KCNH1: variants seen among roughly 807,000 people sequenced by gnomAD.
The protein encoded by KCNH1 is potassium voltage-gated channel subfamily H member 1.
KCNH1 carries 27 observed loss-of-function variants against 69.2 expected under a neutral mutation model. That is an observed-to-expected ratio of 0.39 (90% CI 0.29 to 0.54). KCNH1 has a LOEUF of 0.54. KCNH1 is among the 20% of genes least tolerant of loss of function. The pLI is 0.68. For missense variants in KCNH1, 798 were observed against 1,261.6 expected (o/e 0.63, Z 5.57); for synonymous variants, 456 against 487.7 (o/e 0.93, Z 0.86).
chr1:210,813,512 T>A (rs934872255), intron 7 of KCNH1, among the ~76,000 whole-genome samples: 64 of 152,220 alleles, frequency 4.2e-4, no homozygotes, highest in Admixed American at 4.6e-4. Context: ...TTAGTCCTTA[T>A]TCAATTTCAT....
chr1:210,691,609 C>T (rs755497530), intron 10 of KCNH1, among the ~76,000 whole-genome samples: 23 of 152,142 alleles, frequency 1.5e-4, no homozygotes, highest in Non-Finnish European at 2.6e-4. Context: ...ATGTTGATGA[C>T]CTCCACTAGT....
intron 7 of KCNH1, among the ~76,000 whole-genome samples, chr1:210,918,092 C>T (rs1687384790): frequency 6.6e-6 from 1 of 152,116 alleles, no homozygotes; most frequent in Non-Finnish European, 1.5e-5. Flanking sequence ...GCAGAGAGGG[C>T]TTTTATGAAA....
At chr1:211,085,597 C>A (rs1690938061) in intron 4 of KCNH1, among the ~76,000 whole-genome samples, 1 of 151,982 alleles carries the variant, frequency 6.6e-6, no homozygotes, top group South Asian at 2.1e-4. Context: ...GACTTGAGGG[C>A]AGCTACAGAG....
At chr1:210,959,651 G>A (rs1688255933) in intron 6 of KCNH1, among the ~76,000 whole-genome samples, 1 of 152,180 alleles carries the variant, frequency 6.6e-6, no homozygotes, top group African/African-American at 2.4e-5. Flanking sequence ...AGCCTCACAG[G>A]TCAATCTCAG....
intron 7 of KCNH1, among the ~76,000 whole-genome samples, chr1:210,917,235 GAAAGAAAGAAAGAA>G: frequency 5.6e-5 from 7 of 124,282 alleles, no homozygotes; most frequent in African/African-American, 2.2e-4. Flanking sequence ...GAGAGAGAAA[GAAAGAAAGAAAGAA>G]AGAAAGAAAG....
intron 6 of KCNH1, among the ~76,000 whole-genome samples, chr1:210,966,477 G>C (rs753026308): frequency 1.6e-4 from 25 of 152,032 alleles, no homozygotes; most frequent in African/African-American, 5.8e-4. Context: ...ATTTTTGCAA[G>C]CTACTCATCT....
At chr1:211,061,582 T>TA (rs1375016850) in intron 5 of KCNH1, among the ~76,000 whole-genome samples, 1 of 151,866 alleles carries the variant, frequency 6.6e-6, no homozygotes, top group Non-Finnish European at 1.5e-5. Context: ...AAGACTCCAT[T>TA]AAAAAAACTA....
At chr1:210,701,002 A>G (rs1405130289) in intron 10 of KCNH1, among the ~76,000 whole-genome samples, 2 of 151,906 alleles carry the variant, frequency 1.3e-5, no homozygotes, top group Non-Finnish European at 2.9e-5. Flanking sequence ...CAGTGGCGCG[A>G]TCTCGGCTCA....
At chr1:210,905,779 C>T (rs1361870697) in intron 7 of KCNH1, among the ~76,000 whole-genome samples, 9 of 152,098 alleles carry the variant, frequency 5.9e-5, no homozygotes, top group Admixed American at 5.2e-4. Flanking sequence ...TTCTTCCTGT[C>T]AGTAACTGTG....
At chr1:210,755,089 C>T (rs1226579838) in intron 10 of KCNH1, among the ~76,000 whole-genome samples, 5 of 152,156 alleles carry the variant, frequency 3.3e-5, no homozygotes, top group African/African-American at 1.2e-4. Context: ...CTTTAGTCCC[C>T]TCTGTGACCC....
At position 210,775,346 on chromosome 1, in the gene KCNH1, A is replaced by G; in HGVS notation, c.2112+2T>C. Reference sequence around the variant, plus strand: ...GGAAAATAACTGAAACTTTTAGCTCACCCTCTTCCTCAAGTTGTACGTCAG... The same window carrying G: ...GGAAAATAACTGAAACTTTTAGCTCGCCCTCTTCCTCAAGTTGTACGTCAG... On this transcript the variant is annotated splice_donor_variant, in intron 10 of 10. Coordinates refer to ENST00000271751, the MANE Select transcript of KCNH1 (RefSeq NM_172362.3). LOFTEE classifies it high-confidence loss of function. The G allele has an allele frequency of 6.2e-7, 1 of 1,613,482 alleles. No homozygotes were observed. The highest frequency in any genetic ancestry group is 8.5e-7 in the Non-Finnish European group (1 of 1,179,544).
At chr1:211,088,753 C>A (rs541382004) in intron 4 of KCNH1, among the ~76,000 whole-genome samples, 141 of 152,274 alleles carry the variant, frequency 9.3e-4, no homozygotes, top group African/African-American at 3.3e-3. Context: ...ATTTCACCGA[C>A]AAAAACAATT....
At chr1:211,084,159 A>C (rs1160543311) in intron 4 of KCNH1, among the ~76,000 whole-genome samples, 1 of 152,208 alleles carries the variant, frequency 6.6e-6, no homozygotes, top group Non-Finnish European at 1.5e-5. Context: ...AGGAGGGCAC[A>C]GCATGGACTC....
intron 5 of KCNH1, among the ~76,000 whole-genome samples, chr1:211,036,722 A>T (rs140189661): frequency 7.7e-6 from 1 of 129,762 alleles, no homozygotes; most frequent in East Asian, 2.1e-4. Context: ...AGTACAGTCA[A>T]TAATCTCCCT....
At chr1:210,771,517 G>A (rs75330892) in intron 10 of KCNH1, among the ~76,000 whole-genome samples, 19 of 152,266 alleles carry the variant, frequency 1.2e-4, no homozygotes, top group South Asian at 4.1e-4. Context: ...AGAACATTGC[G>A]CAGGGCAATA....
chr1:210,802,156 T>C lies in KCNH1; in HGVS notation c.1662+1811A>G, dbSNP rs761944299. ...ACAACAAATATCTGTTCTTAATGCATGTTCAAGAAATGGTAGCTGAGGTTG... is the reference window on the plus strand; with the variant it reads ...ACAACAAATATCTGTTCTTAATGCACGTTCAAGAAATGGTAGCTGAGGTTG... On this transcript the variant is annotated intron_variant, in intron 8 of 10. Coordinates refer to ENST00000271751, the MANE Select transcript of KCNH1 (RefSeq NM_172362.3). Among the ~76,000 whole-genome samples, 5 of 152,234 alleles carry C rather than the reference T, an allele frequency of 3.3e-5. No homozygotes were observed. The East Asian group carries it at 7.7e-4, about 23-fold the overall frequency.
At chr1:210,972,594 GT>G in intron 6 of KCNH1, among the ~76,000 whole-genome samples, 1 of 152,262 alleles carries the variant, frequency 6.6e-6, no homozygotes, top group East Asian at 1.9e-4. Flanking sequence ...GTAAAAGGCA[GT>G]AAAATGATAG....
intron 10 of KCNH1, among the ~76,000 whole-genome samples, chr1:210,698,422 G>T (rs1231458125): frequency 6.6e-6 from 1 of 152,180 alleles, no homozygotes; most frequent in Non-Finnish European, 1.5e-5. Context: ...ATGGACAGAG[G>T]CCCTAAGAGA....
chr1:211,091,803 C>A (rs1231995070), intron 3 of KCNH1, among the ~76,000 whole-genome samples: 8 of 152,084 alleles, frequency 5.3e-5, no homozygotes, highest in Admixed American at 4.6e-4. Flanking sequence ...TATCAACAGT[C>A]AAATATCTGT....
Sources: gnomAD v4.1 joint callset for allele counts (sites outside exome capture counted in the v4.1 genomes callset) on GRCh38, gnomAD v4.1.1 for gene constraint, MANE v1.5 for transcripts, NCBI Gene and HGNC (gene_info 2026-07-23, HGNC 2026-07-21) for gene names.